CDH10: variants seen among roughly 807,000 people sequenced by gnomAD.
The protein encoded by CDH10 is cadherin-10.
In CDH10, 30 loss-of-function variants were observed where a neutral mutation model predicts 73.1. The ratio of observed to expected loss-of-function variants is 0.41; its 90% CI spans 0.31 to 0.56. The LOEUF is 0.56. Ranked by LOEUF, CDH10 falls within the 20% of genes least tolerant of loss-of-function variation. The probability of loss-of-function intolerance (pLI) is 0.27; values close to 1 mark genes in which losing one functional copy is unlikely to be tolerated. For missense variants in CDH10, 815 were observed against 973.7 expected, an observed-to-expected ratio of 0.84 and a Z score of 2.17; for synonymous variants, 345 against 348.2, an observed-to-expected ratio of 0.99 and a Z score of 0.10.
At chr5:24,526,354 C>T (rs1037582627) in intron 5 of CDH10, among the ~76,000 whole-genome samples, 4 of 152,066 alleles carry the variant, frequency 2.6e-5, no homozygotes, top group East Asian at 1.9e-4. Flanking sequence ...TCATCACAGA[C>T]GGAAAATGTG....
intron 7 of CDH10, among the ~76,000 whole-genome samples, chr5:24,508,067 A>C (rs13161689): frequency 0.26 from 38,810 of 152,146 alleles, 5,433 homozygotes; most frequent in Admixed American, 0.3. Flanking sequence ...TGGCATATGT[A>C]GGAGAAAGGT....
intron 1 of CDH10, among the ~76,000 whole-genome samples, chr5:24,628,227 G>A (rs1050654160): frequency 2.0e-5 from 3 of 152,108 alleles, no homozygotes; most frequent in Non-Finnish European, 4.4e-5. Flanking sequence ...TAGTTTTAGC[G>A]GCTACAAAAC....
chr5:24,610,398 G>C (rs146611158), intron 1 of CDH10, among the ~76,000 whole-genome samples: 3 of 151,980 alleles, frequency 2.0e-5, no homozygotes, highest in Middle Eastern at 6.9e-3. Context: ...TATTGACTAG[G>C]ATTATCTTTA....
At chr5:24,630,175 C>T (rs1413978986) in intron 1 of CDH10, among the ~76,000 whole-genome samples, 1 of 151,922 alleles carries the variant, frequency 6.6e-6, no homozygotes, top group East Asian at 1.9e-4. Flanking sequence ...AGATGATGAT[C>T]GACAGTAAAG....
chr5:24,607,857 A>G (rs946871791), intron 1 of CDH10, among the ~76,000 whole-genome samples: 3 of 152,220 alleles, frequency 2.0e-5, no homozygotes, highest in East Asian at 1.9e-4. Flanking sequence ...TAATATAAAT[A>G]GGAGAGATTA....
intron 5 of CDH10, among the ~76,000 whole-genome samples, chr5:24,519,244 C>A (rs1009708935): frequency 1.3e-5 from 2 of 151,838 alleles, no homozygotes; most frequent in Admixed American, 1.3e-4. Flanking sequence ...TTGGTTTTCA[C>A]CAGCAATCCT....
chr5:24,641,380 T>TG (rs1327763724), intron 1 of CDH10, among the ~76,000 whole-genome samples: 1 of 151,994 alleles, frequency 6.6e-6, no homozygotes, highest in Non-Finnish European at 1.5e-5. Flanking sequence ...TTGAACTTAT[T>TG]GGGGTAAATG....
intron 1 of CDH10, among the ~76,000 whole-genome samples, chr5:24,599,184 T>C (rs1384254388): frequency 6.6e-6 from 1 of 152,140 alleles, no homozygotes; most frequent in Non-Finnish European, 1.5e-5. Context: ...CATTTTACTG[T>C]AGCTAGGATT....
At chr5:24,562,838 A>AC (rs1745009459) in intron 2 of CDH10, among the ~76,000 whole-genome samples, 1 of 152,114 alleles carries the variant, frequency 6.6e-6, no homozygotes, top group Admixed American at 6.6e-5. Context: ...ACTTTGAAAC[A>AC]CTTACAAACT....
intron 7 of CDH10, among the ~76,000 whole-genome samples, chr5:24,506,751 T>C (rs16893457): frequency 0.037 from 5,622 of 152,258 alleles, 356 homozygotes; most frequent in African/African-American, 0.13. Context: ...ACCTAATTAA[T>C]TGGCATTTTG....
At chr5:24,642,765 C>CT (rs1187101385) in intron 1 of CDH10, among the ~76,000 whole-genome samples, 3 of 152,036 alleles carry the variant, frequency 2.0e-5, no homozygotes, top group Non-Finnish European at 4.4e-5. Context: ...TACAGTTTAC[C>CT]TTCTTTTTTC....
intron 1 of CDH10, among the ~76,000 whole-genome samples, chr5:24,620,053 T>C (rs1401130515): frequency 6.6e-6 from 1 of 152,222 alleles, no homozygotes; most frequent in African/African-American, 2.4e-5. Context: ...AAATAAATGA[T>C]ATATATTTAC....
In CDH10 at chr5:24,535,838, TC is replaced by T. The variant is rs368129652; in HGVS notation, c.527-17del. 163 of 1,601,602 alleles carry T rather than the reference TC, an allele frequency of 1.0e-4. No homozygotes were observed. In the East Asian group the frequency reaches 2.2e-3, roughly 22 times the overall value. ...ACAGAAGTACCTGAAGTATCCAAAT[TC>T]AGCTTAGTTCTGCACAGTACCAGAA... On this transcript the variant is annotated splice_polypyrimidine_tract_variant and intron_variant, in intron 3 of 11. Transcript: ENST00000264463.
intron 1 of CDH10, among the ~76,000 whole-genome samples, chr5:24,624,053 T>A (rs986186266): frequency 9.2e-5 from 14 of 152,050 alleles, no homozygotes; most frequent in Admixed American, 1.3e-4. Flanking sequence ...ACAGCAACTG[T>A]TTTTTGCTTG....
chr5:24,558,415 G>GAATT (rs1261888484), intron 2 of CDH10, among the ~76,000 whole-genome samples: 6 of 151,542 alleles, frequency 4.0e-5, no homozygotes, highest in Non-Finnish European at 8.9e-5. Context: ...TATGGCAAAG[G>GAATT]AATTACAATA....
intron 2 of CDH10, among the ~76,000 whole-genome samples, chr5:24,574,408 A>C (rs1745519742): frequency 6.6e-6 from 1 of 152,130 alleles, no homozygotes; most frequent in South Asian, 2.1e-4. Context: ...GACATTTTAC[A>C]AAAATGGATA....
intron 2 of CDH10, among the ~76,000 whole-genome samples, chr5:24,573,601 T>A (rs1286686217): frequency 6.7e-6 from 1 of 149,126 alleles, no homozygotes; most frequent in African/African-American, 2.5e-5. Context: ...CTCCGGAGGC[T>A]GAGGCAGGAG....
At chr5:24,517,718 A>G (rs1466517764) in intron 5 of CDH10, among the ~76,000 whole-genome samples, 2 of 152,194 alleles carry the variant, frequency 1.3e-5, no homozygotes, top group Non-Finnish European at 2.9e-5. Flanking sequence ...AAGGGAAATG[A>G]GAGCCTAGAG....
chr5:24,597,016 A>C (rs2112104103), intron 1 of CDH10, among the ~76,000 whole-genome samples: 1 of 152,166 alleles, frequency 6.6e-6, no homozygotes, highest in South Asian at 2.1e-4. Flanking sequence ...TAAAAATGCT[A>C]AAATTAATGA....
Sources: gnomAD v4.1 joint callset for allele counts (sites outside exome capture counted in the v4.1 genomes callset) on GRCh38, gnomAD v4.1.1 for gene constraint, MANE v1.5 for transcripts, NCBI Gene and HGNC (gene_info 2026-07-23, HGNC 2026-07-21) for gene names.